The following TERT variants were observed in gnomAD, a reference collection of about 807,000 sequenced individuals.
TERT encodes telomerase reverse transcriptase.
In TERT, 42 loss-of-function variants were observed where a neutral mutation model predicts 104.0. The ratio of observed to expected loss-of-function variants is 0.40; its 90% CI spans 0.32 to 0.52. TERT has a LOEUF of 0.52. Ranked by LOEUF, TERT falls within the 20% of genes least tolerant of loss-of-function variation. TERT has a pLI of 0.43. For missense variants in TERT, 1,101 were observed against 1,610.3 expected, an observed-to-expected ratio of 0.68 and a Z score of 5.41; for synonymous variants, 781 against 725.6, an observed-to-expected ratio of 1.08 and a Z score of -1.23.
Position 1,263,918 on chromosome 5 carries a change from G to C in TERT, c.2843+486C>G, listed in dbSNP as rs1022718650. ...GATCATGAACTCATGGCATCCTGTA[G>C]ACTGTGGATGAGCCTTGGAGTGTGG... On this transcript the variant is annotated intron_variant, in intron 11 of 15. Transcript: ENST00000310581. The surrounding 1 kb of genome is among the most constrained non-coding windows in gnomAD (Gnocchi z 5.3). Among the ~76,000 whole-genome samples the C allele has an allele frequency of 2.0e-5, 3 of 152,334 alleles. No homozygotes were observed. In the East Asian group the frequency reaches 5.8e-4, roughly 29 times the overall value.
Position 1,264,501 on chromosome 5 carries a change from C to T in TERT, c.2746G>A (p.Gly916Ser), listed in dbSNP as rs1189683846. 2 of 1,614,010 alleles carry T rather than the reference C, an allele frequency of 1.2e-6. No homozygotes were observed. Among genetic ancestry groups the T allele is most frequent in the South Asian group, 2.2e-5 (2 of 91,088 alleles). The change falls in exon 11 of 16, where the codon GGC (glycine) becomes AGC (serine). Residue 916 changes from glycine (G) to serine (S), a missense_variant. Physicochemically the swap from Gly to Ser is moderately conservative, Grantham distance 56. Coordinates refer to ENST00000310581, the MANE Select transcript of TERT (RefSeq NM_198253.3). ...NFPVEDEALG[G>S]TAFVQMPAHG... ...GCCGGCATCTGAACAAAAGCCGTGC[C>T]ACCCAGGGCCTCGTCTTCTACAGGG... is the stretch of plus-strand genomic sequence containing the variant.
At chr5:1,272,084 C>T in intron 7 of TERT, 101 bp downstream of exon 7, 2 of 1,034,242 alleles carry the variant, frequency 1.9e-6, no homozygotes, top group Non-Finnish European at 1.5e-6. Context: ...CCCCACTGCC[C>T]CCCAGGGCCA....
Position 1,257,090 on chromosome 5 carries a change from G to C in TERT, c.3032+1508C>G, listed in dbSNP as rs980952146. On this transcript the variant is annotated intron_variant, in intron 13 of 15. Coordinates refer to ENST00000310581, the MANE Select transcript of TERT (RefSeq NM_198253.3). This position sits in a 1 kb window ranked among gnomAD's most constrained non-coding sequence, Gnocchi z 5.6. ...CTGACTCTGTGTTTGGAAACGGCCC[G>C]TGGCCCATCGCATCTCGGCCTCCTC... Among the ~76,000 whole-genome samples the C allele has an allele frequency of 1.3e-5, 2 of 152,136 alleles. No individual in the cohort carries two copies. Among genetic ancestry groups the C allele is most frequent in the African/African-American group, 4.8e-5 (2 of 41,438 alleles).
At position 1,257,349 on chromosome 5, in the gene TERT, G is replaced by A. The variant is rs1747820632; in HGVS notation, c.3032+1249C>T. Among the ~76,000 whole-genome samples, 1 of 152,120 alleles carries A rather than the reference G, an allele frequency of 6.6e-6. No individual in the cohort carries two copies. Among genetic ancestry groups the A allele is most frequent in the Non-Finnish European group, 1.5e-5 (1 of 68,014 alleles). ...CTCCTCTGACCTCATCATGGCCCAA[G>A]GAGGCCCCAAGCACGCCAGCTGGAC... On this transcript the variant is annotated intron_variant, in intron 13 of 15. Transcript: ENST00000310581. The surrounding 1 kb of genome is among the most constrained non-coding windows in gnomAD (Gnocchi z 5.6).
rs149903266 is a variant in TERT, at chr5:1,271,491, G to A, written c.2383-287C>T. Among the ~76,000 whole-genome samples, 807 of 152,312 alleles carry A rather than the reference G, an allele frequency of 5.3e-3. 8 individuals are homozygous for A. The highest frequency in any genetic ancestry group is 0.02 in the Middle Eastern group (6 of 294). On this transcript the variant is annotated intron_variant, in intron 7 of 15. Transcript: ENST00000310581. ...GGCCCGGATGGCATATGTGATCCAG[G>A]AGTTGCTGCCCAGCTGCCGGGCACA... is the stretch of plus-strand genomic sequence containing the variant.
In TERT at chr5:1,255,221, G is replaced by C. The variant is rs1747629980; in HGVS notation, c.3157+66C>G. On this transcript the variant is annotated intron_variant, in intron 14 of 15. Transcript: ENST00000310581. The surrounding 1 kb of genome is among the most constrained non-coding windows in gnomAD (Gnocchi z 6.9). ...AACTTCCTAAGCCCAGATTCACTCA[G>C]TCTCCTGACACACTAACACCAGCAG... The C allele has an allele frequency of 6.3e-7, 1 of 1,593,488 alleles. No individual in the cohort carries two copies. The highest frequency in any genetic ancestry group is 1.3e-5 in the African/African-American group (1 of 74,464).
intron 9 of TERT, among the ~76,000 whole-genome samples, chr5:1,267,343 T>C (rs192515387): frequency 3.4e-4 from 52 of 152,336 alleles, no homozygotes; most frequent in Middle Eastern, 3.4e-3. Context: ...ATAACTGCTG[T>C]CCACATCCTC....
intron 4 of TERT, 68 bp downstream of exon 4, chr5:1,280,090 G>A: frequency 6.3e-7 from 1 of 1,598,954 alleles, no homozygotes. Flanking sequence ...CTTCATCTAA[G>A]CTGATACCAA....
At chr5:1,259,009 G>A (rs567407852) in intron 12 of TERT, among the ~76,000 whole-genome samples, 4 of 146,510 alleles carry the variant, frequency 2.7e-5, no homozygotes, top group Admixed American at 6.8e-5. Flanking sequence ...TGGAGTGGAT[G>A]TAAATGCCCA....
chr5:1,279,118 G>GA (rs1749823995), intron 5 of TERT, among the ~76,000 whole-genome samples, 173 bp downstream of exon 5: 1 of 152,218 alleles, frequency 6.6e-6, no homozygotes, highest in South Asian at 2.1e-4. Flanking sequence ...ATGTGCTGCA[G>GA]GAAAGGCTGA....
Position 1,279,355 on chromosome 5 carries a change from G to A in TERT, c.2066C>T (p.Ala689Val). Reference sequence around the variant, plus strand: ...CACACGCAGCACGAAGGTGCGCCAGGCCCTGTGGATATCGTCCAGGCCCAG... The same window carrying A: ...CACACGCAGCACGAAGGTGCGCCAGACCCTGTGGATATCGTCCAGGCCCAG... ...SVLGLDDIHR[A>V]WRTFVLRVRA... The change falls in exon 5 of 16, where the codon GCC becomes GTC. Residue 689 changes from alanine (A) to valine (V), a missense_variant. Physicochemically the swap from Ala to Val is moderately conservative, Grantham distance 64. Around this residue, in one of 5 missense-constraint regions of TERT, gnomAD observed 463 missense variants for 797.5 expected, o/e 0.58. Transcript: ENST00000310581. 3 of 1,578,280 alleles carry A rather than the reference G, an allele frequency of 1.9e-6. No individual in the cohort carries two copies. The highest frequency in any genetic ancestry group is 2.6e-6 in the Non-Finnish European group (3 of 1,164,348).
chr5:1,294,746 G>A (rs780653823), intron 1 of TERT, 25 bp downstream of exon 1: 4 of 1,560,068 alleles, frequency 2.6e-6, no homozygotes, highest in South Asian at 1.2e-5. Flanking sequence ...AACCCCAGCC[G>A]GACGCCGACC....
At position 1,282,483 on chromosome 5, in the gene TERT, C is replaced by T; in HGVS notation, c.1715G>A (p.Arg572Lys). ...GACACTCTTCCGGTAGAAAAAGAGCCTGTTCTTTTGAAACGTGGTCTCCGT... is the reference window on the plus strand; with the variant it reads ...GACACTCTTCCGGTAGAAAAAGAGCTTGTTCTTTTGAAACGTGGTCTCCGT... ...YVTETTFQKNRLFFYRKSVWS... is the reference protein window; with the variant it reads ...YVTETTFQKNKLFFYRKSVWS... The change falls in exon 3 of 16, where the codon AGG becomes AAG. Residue 572 changes from arginine to lysine, a missense_variant. Transcript: ENST00000310581. The T allele has an allele frequency of 6.2e-7, 1 of 1,614,190 alleles. No individual in the cohort carries two copies. The highest frequency in any genetic ancestry group is 8.5e-7 in the Non-Finnish European group (1 of 1,180,034).
chr5:1,276,053 A>G (rs1484448527), intron 6 of TERT, among the ~76,000 whole-genome samples: 11 of 131,766 alleles, frequency 8.3e-5, no homozygotes, highest in East Asian at 2.4e-4. Flanking sequence ...CCTACCCCAC[A>G]CATGAAAACC....
chr5:1,266,101 G>A (rs370375991), intron 10 of TERT, among the ~76,000 whole-genome samples: 10 of 152,234 alleles, frequency 6.6e-5, no homozygotes, highest in African/African-American at 1.9e-4. Context: ...GGAGGCTGCC[G>A]CCTCGGCCCT....
intron 9 of TERT, among the ~76,000 whole-genome samples, chr5:1,267,624 C>A (rs527718152): frequency 3.3e-4 from 50 of 152,308 alleles, no homozygotes; most frequent in Non-Finnish European, 6.6e-4. Context: ...GAAAATGTGG[C>A]ACATATACAC....
At chr5:1,289,336 A>G (rs1469272176) in intron 2 of TERT, among the ~76,000 whole-genome samples, 39 of 118,580 alleles carry the variant, frequency 3.3e-4, no homozygotes, top group Admixed American at 6.8e-4. Context: ...ACCCGGGGAC[A>G]GTGCCTCACT....
intron 2 of TERT, among the ~76,000 whole-genome samples, chr5:1,289,239 G>T (rs1430622877): frequency 1.4e-5 from 2 of 146,570 alleles, no homozygotes; most frequent in African/African-American, 5.1e-5. Flanking sequence ...ACGTGACAGG[G>T]ACACCCGGGG....
At chr5:1,289,007 G>C (rs182009081) in intron 2 of TERT, among the ~76,000 whole-genome samples, 1 of 152,192 alleles carries the variant, frequency 6.6e-6, no homozygotes, top group Non-Finnish European at 1.5e-5. Flanking sequence ...ATGGGCAACC[G>C]GCGCAGCTGT....
Sources: gnomAD v4.1 joint callset for allele counts (sites outside exome capture counted in the v4.1 genomes callset) on GRCh38, gnomAD v4.1.1 for gene constraint, gnomAD v4.1.1 regional missense constraint, Gnocchi (gnomAD v3.1) non-coding constraint, MANE v1.5 for transcripts, NCBI Gene and HGNC (gene_info 2026-07-23, HGNC 2026-07-21) for gene names.